Variants in TOM1L1 observed in about 807,000 individuals in gnomAD.
TOM1L1 encodes target of myb1 like 1 membrane trafficking protein, also known as TOM1-like protein 1.
In TOM1L1, 64 loss-of-function variants were observed where a neutral mutation model predicts 63.4. The ratio of observed to expected loss-of-function variants is 1.01; its 90% CI spans 0.83 to 1.24. The LOEUF (loss-of-function observed/expected upper bound fraction) is 1.24. Ranked by LOEUF, TOM1L1 falls within the 50% of genes most tolerant of loss-of-function variation. TOM1L1 has a pLI of 0.00. For missense variants in TOM1L1, 536 were observed against 567.0 expected, an observed-to-expected ratio of 0.95 and a Z score of 0.55; for synonymous variants, 166 against 194.4, an observed-to-expected ratio of 0.85 and a Z score of 1.22.
intron 11 of TOM1L1, among the ~76,000 whole-genome samples, chr17:54,945,696 G>A (rs904898564): frequency 6.6e-6 from 1 of 150,550 alleles, no homozygotes; most frequent in African/African-American, 2.4e-5. Context: ...TTCAGTTATT[G>A]TAGTTTTTAG....
chr17:54,924,629 G>A (rs148105563), intron 7 of TOM1L1, among the ~76,000 whole-genome samples: 115 of 152,256 alleles, frequency 7.6e-4, no homozygotes, highest in African/African-American at 2.5e-3. Context: ...AGTGTCTGAC[G>A]CTTTTCTTGC....
intron 7 of TOM1L1, chr17:54,916,432 T>C (rs1277317449): frequency 6.6e-6 from 1 of 152,568 alleles, no homozygotes; most frequent in African/African-American, 2.4e-5. Flanking sequence ...CATTTAGACC[T>C]GCATGAGTAG....
chr17:54,935,662 A>G (rs1237629047), intron 8 of TOM1L1, among the ~76,000 whole-genome samples: 1 of 152,164 alleles, frequency 6.6e-6, no homozygotes, highest in Non-Finnish European at 1.5e-5. Flanking sequence ...TCATACCCTT[A>G]GTCATATAGC....
At chr17:54,957,119 CTA>C (rs1738136998) in intron 14 of TOM1L1, 1 of 152,254 alleles carries the variant, frequency 6.6e-6, no homozygotes, top group Admixed American at 6.5e-5. Context: ...GATTGTACTC[CTA>C]TAGTCCCTGG....
chr17:54,923,897 C>A (rs1765668830), intron 7 of TOM1L1, among the ~76,000 whole-genome samples: 2 of 152,028 alleles, frequency 1.3e-5, no homozygotes, highest in Non-Finnish European at 2.9e-5. Flanking sequence ...AGGCAGTGAG[C>A]TGCCTGGGAG....
At chr17:54,910,878 G>A (rs1228982511) in intron 3 of TOM1L1, among the ~76,000 whole-genome samples, 4 of 152,150 alleles carry the variant, frequency 2.6e-5, no homozygotes, top group Non-Finnish European at 5.9e-5. Context: ...GCCGCTTTAT[G>A]TATTGCCATT....
intron 14 of TOM1L1, among the ~76,000 whole-genome samples, chr17:54,958,645 G>A (rs572215047): frequency 1.3e-4 from 19 of 149,708 alleles, no homozygotes; most frequent in African/African-American, 2.0e-4. Flanking sequence ...TAGGAGAATC[G>A]TTTGAACCCA....
chr17:54,948,343 T>C (rs1436015320), intron 12 of TOM1L1, among the ~76,000 whole-genome samples: 23 of 152,156 alleles, frequency 1.5e-4, no homozygotes, highest in Admixed American at 1.5e-3. Flanking sequence ...GTGATTTTCT[T>C]CCTCACTCCA....
chr17:54,950,113 G>A lies in TOM1L1; in HGVS notation c.1357G>A (p.Ala453Thr). ...AATGGAGTTTGATCCCTTAGCTCCTGCTGTCACTACAGAGTAAGTCATTTA... is the reference window on the plus strand; with the variant it reads ...AATGGAGTTTGATCCCTTAGCTCCTACTGTCACTACAGAGTAAGTCATTTA... ...EVMEFDPLAP[A>T]VTTEAIYEEI... The change falls in exon 14 of 16, where the codon GCT (alanine) becomes ACT (threonine). Residue 453 changes from alanine (A) to threonine (T), a missense_variant. By Grantham distance (58) the Ala-to-Thr change is moderately conservative. Transcript: ENST00000575882. The A allele has an allele frequency of 6.2e-7, 1 of 1,612,200 alleles. No individual in the cohort carries two copies. Among genetic ancestry groups the A allele is most frequent in the South Asian group, 1.1e-5 (1 of 90,968 alleles).
At chr17:54,901,581 T>A (rs2048328078) in intron 1 of TOM1L1, among the ~76,000 whole-genome samples, 2 of 152,152 alleles carry the variant, frequency 1.3e-5, no homozygotes, top group Non-Finnish European at 2.9e-5. Context: ...GCATGATGTA[T>A]GTAGAAGCCA....
chr17:54,936,496 G>GA (rs2048948727), intron 8 of TOM1L1, 153 bp from the exon 9 acceptor site: 2 of 635,616 alleles, frequency 3.1e-6, no homozygotes, highest in South Asian at 2.4e-5. Context: ...CTGTAAGCTG[G>GA]AAAAAGGTTA....
At chr17:54,956,484 A>T (rs8066744) in intron 14 of TOM1L1, among the ~76,000 whole-genome samples, 113,213 of 151,976 alleles carry the variant, frequency 0.74, 42,637 homozygotes, top group African/African-American at 0.84. Context: ...TTTTTTGTAT[A>T]TTTAGTAGAG....
At chr17:54,906,056 G>T (rs1031250357) in intron 3 of TOM1L1, among the ~76,000 whole-genome samples, 2 of 152,102 alleles carry the variant, frequency 1.3e-5, no homozygotes, top group African/African-American at 4.8e-5. Flanking sequence ...TGTAGTCCCA[G>T]CCACTTAGGA....
chr17:54,925,739 A>G (rs778811233), intron 7 of TOM1L1, among the ~76,000 whole-genome samples: 5 of 152,174 alleles, frequency 3.3e-5, no homozygotes, highest in African/African-American at 4.8e-5. Context: ...CCCCGTCTCT[A>G]CTAAAAATAC....
In TOM1L1 at chr17:54,947,324, A is replaced by G. The variant is rs759887270; in HGVS notation, c.1182+12A>G. On this transcript the variant is annotated intron_variant, in intron 12 of 15. Coordinates refer to ENST00000575882, the MANE Select transcript of TOM1L1 (RefSeq NM_005486.3). ...ACGCATATGATAATGTAAGTAACAA[A>G]ACTCTTTTCTAGCAGTGCATCTAGT... 2.5e-6 allele frequency: 4 copies of G among 1,613,818 alleles called. No homozygotes were observed. The South Asian group carries it at 4.4e-5, about 18-fold the overall frequency.
chr17:54,911,453 A>G (rs1447417150), intron 3 of TOM1L1, among the ~76,000 whole-genome samples: 1 of 152,064 alleles, frequency 6.6e-6, no homozygotes, highest in East Asian at 1.9e-4. Context: ...ACCTACTTAA[A>G]TGCCCCTTAT....
At chr17:54,901,463 G>A (rs1223817864) in intron 1 of TOM1L1, among the ~76,000 whole-genome samples, 1 of 152,150 alleles carries the variant, frequency 6.6e-6, no homozygotes, top group Non-Finnish European at 1.5e-5. Flanking sequence ...TTGGAGTGAA[G>A]AGGAGGGGAA....
rs567874777 is a variant in TOM1L1, at chr17:54,945,395, A to T, written c.1131-1866A>T. Among the ~76,000 whole-genome samples, 4 of 152,314 alleles carry T rather than the reference A, an allele frequency of 2.6e-5. No homozygotes were observed. In the South Asian group the frequency reaches 8.3e-4, roughly 32 times the overall value. Reference sequence around the variant, plus strand: ...TTAACCCACTAATGGAACTTCTTGAATGTGGTTTGTGGCTTTATGTCTTTC... The same window carrying T: ...TTAACCCACTAATGGAACTTCTTGATTGTGGTTTGTGGCTTTATGTCTTTC... On this transcript the variant is annotated intron_variant, in intron 11 of 15. Transcript: ENST00000575882.
chr17:54,914,952 C>T lies in TOM1L1; in HGVS notation c.603+209C>T, dbSNP rs565868398. On this transcript the variant is annotated intron_variant, in intron 6 of 15. Coordinates refer to ENST00000575882, the MANE Select transcript of TOM1L1 (RefSeq NM_005486.3). ...CATGGGTTCTGTCTGCTTCCAAAGC[C>T]CAACTTTGTAAGAGTTGTGCTTGCC... Among the ~76,000 whole-genome samples the T allele has an allele frequency of 2.0e-5, 3 of 152,308 alleles. No homozygotes were observed. In the South Asian group the frequency reaches 6.2e-4, roughly 32 times the overall value.
Sources: gnomAD v4.1 joint callset for allele counts (sites outside exome capture counted in the v4.1 genomes callset) on GRCh38, gnomAD v4.1.1 for gene constraint, MANE v1.5 for transcripts, NCBI Gene and HGNC (gene_info 2026-07-23, HGNC 2026-07-21) for gene names.